ANKRD62: variants seen among roughly 807,000 people sequenced by gnomAD.
ANKRD62 encodes ankyrin repeat domain 62.
A neutral mutation model predicts 98.8 loss-of-function variants in ANKRD62; 61 were observed. That is an observed-to-expected ratio of 0.62 (90% CI 0.50 to 0.76). ANKRD62 has a LOEUF of 0.76. Ranked by LOEUF, ANKRD62 falls within the 30% of genes least tolerant of loss-of-function variation. The pLI is 0.00. For synonymous variants in ANKRD62, 341 were observed against 367.9 expected (o/e 0.93, Z 0.84); for missense variants, 933 against 1,082.9 (o/e 0.86, Z 1.94).
chr18:12,130,951 A>C (rs543639215), downstream of ANKRD62, among the ~76,000 whole-genome samples: 1 of 152,276 alleles, frequency 6.6e-6, no homozygotes, highest in African/African-American at 2.4e-5. Flanking sequence ...CAGCCTCCCA[A>C]AGTGCTGGGG....
At chr18:12,145,126 C>T in the ANKRD62 span, among the ~76,000 whole-genome samples, 4 of 151,340 alleles carry the variant, frequency 2.6e-5, no homozygotes, top group South Asian at 2.1e-4. Context: ...ACAGCTGTGT[C>T]GTGCTGTGCT....
intron 1 of ANKRD62, 35 bp downstream of exon 1, chr18:12,094,270 G>T (rs781251566): frequency 6.9e-7 from 1 of 1,455,484 alleles, no homozygotes; most frequent in Non-Finnish European, 9.0e-7. Context: ...GAGGCCTGGG[G>T]ATATGGGAGA....
chr18:12,137,174 G>T, the ANKRD62 span, among the ~76,000 whole-genome samples: 1 of 152,092 alleles, frequency 6.6e-6, no homozygotes, highest in African/African-American at 2.4e-5. Flanking sequence ...GTATGATATT[G>T]GCTGTGGGTT....
At chr18:12,127,067 A>G (rs747348860) in intron 13 of ANKRD62, among the ~76,000 whole-genome samples, 30 of 152,170 alleles carry the variant, frequency 2.0e-4, no homozygotes, top group Non-Finnish European at 3.7e-4. Flanking sequence ...CTTACTTTCA[A>G]TTTTTCAGTC....
intron 11 of ANKRD62, 89 bp from the exon 12 acceptor site, chr18:12,124,048 C>G: frequency 1.6e-6 from 1 of 616,396 alleles, no homozygotes; most frequent in Non-Finnish European, 2.6e-6. Flanking sequence ...AAAAAATATT[C>G]AAGAACATGG....
intron 6 of ANKRD62, chr18:12,102,693 T>C: frequency 9.7e-7 from 1 of 1,035,328 alleles, no homozygotes; most frequent in Admixed American, 5.0e-5. Context: ...ATTTCAGATA[T>C]AATGAACGGG....
At chr18:12,136,986 A>G in the ANKRD62 span, among the ~76,000 whole-genome samples, 35 of 152,134 alleles carry the variant, frequency 2.3e-4, no homozygotes, top group South Asian at 4.2e-4. Flanking sequence ...CAATCATGTC[A>G]TCTGCAAACA....
chr18:12,126,155 A>T lies in ANKRD62; in HGVS notation c.2334A>T (p.Gln778His). 2 of 1,536,114 alleles carry T rather than the reference A, an allele frequency of 1.3e-6. No homozygotes were observed. The highest frequency in any genetic ancestry group is 1.7e-6 in the Non-Finnish European group (2 of 1,146,872). ...AATCTGTAGAGGATGGACTATTTCA[A>T]CTACAAAGCCAAAATCTGTTGTATC... The part of the protein sequence containing the change: ...KQQSVEDGLF[Q>H]LQSQNLLYQQ... The change falls in exon 13 of 14, where the codon CAA becomes CAT. Residue 778 changes from glutamine (Q) to histidine (H), a missense_variant. Gln to His is a conservative substitution (Grantham distance 24). Coordinates refer to ENST00000587848, the MANE Select transcript of ANKRD62 (RefSeq NM_001277333.2).
At chr18:12,170,319 G>A in the ANKRD62 span, among the ~76,000 whole-genome samples, 11 of 152,100 alleles carry the variant, frequency 7.2e-5, no homozygotes, top group African/African-American at 2.7e-4. Context: ...CAGAGGTTCT[G>A]GTATGTTGTG....
At chr18:12,171,821 G>C in the ANKRD62 span, among the ~76,000 whole-genome samples, 1 of 152,098 alleles carries the variant, frequency 6.6e-6, no homozygotes, top group Non-Finnish European at 1.5e-5. Context: ...CTTATTTCTT[G>C]GAGGCTTTGT....
the ANKRD62 span, among the ~76,000 whole-genome samples, chr18:12,144,971 C>T: frequency 1.4e-5 from 2 of 147,782 alleles, no homozygotes; most frequent in Non-Finnish European, 3.0e-5. Context: ...GGTGAGAACC[C>T]GTCTCTACTA....
chr18:12,126,016 T>G lies in ANKRD62; in HGVS notation c.2195T>G (p.Leu732Trp). Reference protein sequence around the residue: ...YEREALKEKTLHIEHMQGVLS... With the variant: ...YEREALKEKTWHIEHMQGVLS... ...AGAGAGGCTCTCAAAGAAAAGACGT[T>G]GCATATAGAACACATGCAAGGAGTC... The change falls in exon 13 of 14, where the codon TTG (leucine) becomes TGG (tryptophan). Residue 732 changes from leucine to tryptophan, a missense_variant. Physicochemically the swap from Leu to Trp is moderately conservative, Grantham distance 61. Around this residue, in one of 3 missense-constraint regions of ANKRD62, gnomAD observed 362 missense variants for 434.5 expected, o/e 0.83. Coordinates refer to ENST00000587848, the MANE Select transcript of ANKRD62 (RefSeq NM_001277333.2). The G allele has an allele frequency of 6.5e-7, 1 of 1,536,466 alleles. No individual in the cohort carries two copies. Among genetic ancestry groups the G allele is most frequent in the Non-Finnish European group, 8.7e-7 (1 of 1,146,918 alleles).
chr18:12,099,965 A>G (rs1405413172), intron 6 of ANKRD62, among the ~76,000 whole-genome samples: 1 of 152,180 alleles, frequency 6.6e-6, no homozygotes. Flanking sequence ...TTAAGTTAGT[A>G]TGTGGTATGT....
At chr18:12,153,607 A>AAAAG in the ANKRD62 span, among the ~76,000 whole-genome samples, 78,100 of 140,306 alleles carry the variant, frequency 0.56, 22,349 homozygotes, top group Middle Eastern at 0.72. Context: ...AAAAAAAAAA[A>AAAAG]AAAGAAAGAA....
chr18:12,105,791 G>A (rs1431147112), intron 7 of ANKRD62, among the ~76,000 whole-genome samples: 1 of 152,112 alleles, frequency 6.6e-6, no homozygotes, highest in African/African-American at 2.4e-5. Flanking sequence ...AAGTCTGTCT[G>A]TCCATTTTAC....
At chr18:12,127,125 G>A (rs1265099037) in intron 13 of ANKRD62, among the ~76,000 whole-genome samples, 1 of 152,140 alleles carries the variant, frequency 6.6e-6, no homozygotes, top group Non-Finnish European at 1.5e-5. Flanking sequence ...ACTCTCATTT[G>A]GATATAAGGT....
chr18:12,129,771 A>AG (rs1598739958), downstream of ANKRD62: 1 of 146,500 alleles, frequency 6.8e-6, no homozygotes, highest in East Asian at 2.1e-4. Context: ...AAAAAAAAAA[A>AG]GTAATAGGTC....
the ANKRD62 span, among the ~76,000 whole-genome samples, chr18:12,175,379 G>A: frequency 1.3e-5 from 2 of 152,096 alleles, no homozygotes; most frequent in East Asian, 3.8e-4. Context: ...CAGCGGGAGG[G>A]CGGCTGACTG....
At chr18:12,105,820 G>GA (rs1250274868) in intron 7 of ANKRD62, among the ~76,000 whole-genome samples, 2 of 152,062 alleles carry the variant, frequency 1.3e-5, no homozygotes, top group Non-Finnish European at 2.9e-5. Flanking sequence ...TAGGGACTGG[G>GA]AAAAAAATCT....
Sources: allele counts gnomAD v4.1 joint callset (sites outside exome capture counted in the v4.1 genomes callset), GRCh38; gene constraint gnomAD v4.1.1; regional missense constraint gnomAD v4.1.1; transcripts MANE v1.5; gene names NCBI Gene and HGNC (gene_info 2026-07-23, HGNC 2026-07-21).